PEX5L: variants seen among roughly 807,000 people sequenced by gnomAD.
The protein encoded by PEX5L is peroxisomal biogenesis factor 5 like, also known as PEX5-related protein.
In PEX5L, 30 loss-of-function variants were observed where a neutral mutation model predicts 84.0. The ratio of observed to expected loss-of-function variants is 0.36; its 90% CI spans 0.27 to 0.48. PEX5L has a LOEUF of 0.48. Among genes scored for constraint, PEX5L ranks in the 20% least tolerant of loss-of-function variants. The pLI is 0.99. For synonymous variants in PEX5L, 270 were observed against 283.1 expected (o/e 0.95, Z 0.46); for missense variants, 533 against 754.6 (o/e 0.71, Z 3.44).
intron 4 of PEX5L, among the ~76,000 whole-genome samples, chr3:179,880,733 T>C (rs1022146956): frequency 6.6e-6 from 1 of 152,256 alleles, no homozygotes; most frequent in African/African-American, 2.4e-5. Flanking sequence ...TGTAACTAAC[T>C]ATAAAACTGT....
At chr3:179,958,952 T>C (rs1379115570) in intron 2 of PEX5L, among the ~76,000 whole-genome samples, 2 of 151,586 alleles carry the variant, frequency 1.3e-5, no homozygotes, top group Admixed American at 6.6e-5. Flanking sequence ...GCGTGAACCC[T>C]AGAGGCGGAG....
At chr3:180,011,004 T>C (rs1789422600) in intron 1 of PEX5L, among the ~76,000 whole-genome samples, 1 of 152,154 alleles carries the variant, frequency 6.6e-6, no homozygotes, top group South Asian at 2.1e-4. Context: ...GTCTTCCACT[T>C]ATTAGCAGGT....
At chr3:179,984,877 T>A (rs757244398) in intron 1 of PEX5L, among the ~76,000 whole-genome samples, 5 of 152,204 alleles carry the variant, frequency 3.3e-5, no homozygotes, top group Non-Finnish European at 7.3e-5. Flanking sequence ...TCCAGGAAGG[T>A]AGGTATTTTT....
At chr3:179,829,295 T>C (rs1279381324) in intron 8 of PEX5L, among the ~76,000 whole-genome samples, 1 of 152,240 alleles carries the variant, frequency 6.6e-6, no homozygotes, top group Non-Finnish European at 1.5e-5. Context: ...AATTCTCTGA[T>C]AAAGAAATTG....
intron 5 of PEX5L, among the ~76,000 whole-genome samples, chr3:179,876,242 C>T (rs1189225576): frequency 1.3e-5 from 2 of 152,018 alleles, no homozygotes; most frequent in Non-Finnish European, 2.9e-5. Flanking sequence ...GCCTATAATC[C>T]CAGCACATTG....
Position 179,808,314 on chromosome 3 carries a change from T to G in PEX5L, c.1476A>C (p.Arg492Ser). 1 of 1,603,732 alleles carries G rather than the reference T, an allele frequency of 6.2e-7. No homozygotes were observed. Among genetic ancestry groups the G allele is most frequent in the African/African-American group, 1.3e-5 (1 of 74,494 alleles). ...AGGCAGCGTTAAATGCATCTATTGC[T>G]CTATTAAATTCTCCACTCAGGTGGA... ...VLFHLSGEFN[R>S]AIDAFNAALT... Residue 492 changes from arginine to serine, a missense_variant, in exon 13 of 15, where the codon AGA (arginine) becomes AGC (serine). Transcript: ENST00000467460.
At chr3:179,926,443 C>T (rs1159333172) in intron 2 of PEX5L, among the ~76,000 whole-genome samples, 3 of 152,148 alleles carry the variant, frequency 2.0e-5, no homozygotes, top group Admixed American at 6.5e-5. Context: ...CAGTTGCTGT[C>T]CCTTCTGCCT....
At chr3:179,826,124 G>A (rs1730403627) in intron 8 of PEX5L, among the ~76,000 whole-genome samples, 1 of 152,112 alleles carries the variant, frequency 6.6e-6, no homozygotes, top group South Asian at 2.1e-4. Flanking sequence ...TGGAAATGAT[G>A]GGAAGGGGAG....
intron 5 of PEX5L, among the ~76,000 whole-genome samples, chr3:179,877,926 T>C (rs765761607): frequency 6.6e-5 from 10 of 152,222 alleles, no homozygotes; most frequent in Non-Finnish European, 1.0e-4. Flanking sequence ...ATGCCACTAG[T>C]TTGAACAATG....
intron 2 of PEX5L, among the ~76,000 whole-genome samples, chr3:179,957,739 T>G (rs1780941209): frequency 6.6e-6 from 1 of 152,206 alleles, no homozygotes; most frequent in African/African-American, 2.4e-5. Context: ...GTAATTCTAA[T>G]GCAAAGTAAG....
intron 2 of PEX5L, chr3:179,900,811 G>A (rs560794895): frequency 1.2e-5 from 11 of 915,256 alleles, no homozygotes; most frequent in South Asian, 2.9e-5. Flanking sequence ...TGGCTTTTGC[G>A]ATAATACCCC....
intron 8 of PEX5L, among the ~76,000 whole-genome samples, chr3:179,825,685 G>T (rs1730216466): frequency 6.6e-6 from 1 of 152,170 alleles, no homozygotes. Flanking sequence ...AGGTAAAACA[G>T]GCTGTAATTC....
At chr3:179,823,619 T>C (rs1260809344) in intron 8 of PEX5L, among the ~76,000 whole-genome samples, 2 of 152,234 alleles carry the variant, frequency 1.3e-5, no homozygotes, top group African/African-American at 2.4e-5. Flanking sequence ...TTACTTCTTT[T>C]CAATTTCAGT....
chr3:179,990,843 C>A (rs1787316770), intron 1 of PEX5L, among the ~76,000 whole-genome samples: 1 of 152,118 alleles, frequency 6.6e-6, no homozygotes, highest in Non-Finnish European at 1.5e-5. Context: ...TCTTATTATT[C>A]TTATTTTATT....
intron 1 of PEX5L, among the ~76,000 whole-genome samples, chr3:179,991,994 G>A (rs1237587222): frequency 6.6e-6 from 1 of 151,974 alleles, no homozygotes; most frequent in Non-Finnish European, 1.5e-5. Context: ...TTAGACATTT[G>A]TTTTTGTTCT....
intron 1 of PEX5L, among the ~76,000 whole-genome samples, chr3:179,996,090 G>A (rs1350052649): frequency 1.3e-5 from 2 of 152,258 alleles, no homozygotes; most frequent in Non-Finnish European, 2.9e-5. Context: ...CCTCCCTTGA[G>A]GTAGTTGCCA....
chr3:179,869,662 A>G (rs1749601385), intron 7 of PEX5L, among the ~76,000 whole-genome samples: 1 of 152,154 alleles, frequency 6.6e-6, no homozygotes, highest in South Asian at 2.1e-4. Flanking sequence ...ACAGGTAGGG[A>G]CTTTCTCTGA....
chr3:180,013,839 C>CT (rs1297355498), intron 1 of PEX5L, among the ~76,000 whole-genome samples: 15 of 152,254 alleles, frequency 9.9e-5, no homozygotes, highest in Admixed American at 9.8e-4. Context: ...TGATTTTTAA[C>CT]TTTTTTCTAC....
chr3:179,964,097 T>C (rs1782749115), intron 2 of PEX5L, among the ~76,000 whole-genome samples: 1 of 152,112 alleles, frequency 6.6e-6, no homozygotes, highest in Non-Finnish European at 1.5e-5. Context: ...ATAAACTTAA[T>C]AATCAGGTAA....
Sources: gnomAD v4.1 joint callset for allele counts (sites outside exome capture counted in the v4.1 genomes callset) on GRCh38, gnomAD v4.1.1 for gene constraint, MANE v1.5 for transcripts, NCBI Gene and HGNC (gene_info 2026-07-23, HGNC 2026-07-21) for gene names.